Variants in NFU1 observed in about 807,000 individuals in gnomAD.
NFU1 encodes NFU1 iron-sulfur cluster scaffold homolog, mitochondrial.
NFU1 carries 30 observed loss-of-function variants against 32.2 expected under a neutral mutation model. The observed-to-expected ratio is 0.93, with a 90% confidence interval of 0.70 to 1.26. NFU1 has a LOEUF of 1.26. NFU1 is among the 50% of genes most tolerant of loss of function. NFU1 has a pLI of 0.00. For missense variants in NFU1, 306 were observed against 306.6 expected, an observed-to-expected ratio of 1.00 and a Z score of 0.02; for synonymous variants, 112 against 104.6, an observed-to-expected ratio of 1.07 and a Z score of -0.43.
chr2:69,417,920 TA>T (rs1469794698), intron 4 of NFU1, among the ~76,000 whole-genome samples: 1 of 151,104 alleles, frequency 6.6e-6, no homozygotes, highest in African/African-American at 2.4e-5. Flanking sequence ...AATTTTTATA[TA>T]GCATAGGCTA....
intron 5 of NFU1, among the ~76,000 whole-genome samples, chr2:69,412,652 T>A (rs574403406): frequency 6.6e-6 from 1 of 152,302 alleles, no homozygotes; most frequent in South Asian, 2.1e-4. Flanking sequence ...CCCAAATTCC[T>A]GGGATTACAG....
At position 69,433,304 on chromosome 2, in the gene NFU1, G is replaced by A. The variant is rs1280779701; in HGVS notation, c.63-1299C>T. 2.7e-5 allele frequency among the ~76,000 whole-genome samples: 4 copies of A among 149,918 alleles called. No homozygotes were observed. In the East Asian group the frequency reaches 8.0e-4, roughly 30 times the overall value. On this transcript the variant is annotated intron_variant, in intron 1 of 7. Coordinates refer to ENST00000410022, the MANE Select transcript of NFU1 (RefSeq NM_001002755.4). ...AGCAATTCTGCTGCCTCAGCCTCCC[G>A]AGTAGCTGAGATTACAGGTGCCCGC...
At chr2:69,402,668 G>A (rs1043849472) in intron 6 of NFU1, among the ~76,000 whole-genome samples, 12 of 151,794 alleles carry the variant, frequency 7.9e-5, no homozygotes, top group African/African-American at 1.7e-4. Flanking sequence ...TGTAACCTCC[G>A]CCTCCCGGGT....
intron 4 of NFU1, 70 bp downstream of exon 4, chr2:69,419,468 G>A: frequency 1.3e-6 from 1 of 758,596 alleles, no homozygotes; most frequent in Non-Finnish European, 2.3e-6. Flanking sequence ...AAATGTTGGA[G>A]AGAGAGGCAT....
Position 69,437,369 on chromosome 2 carries a change from C to T in NFU1, c.54G>A (p.Leu18=), listed in dbSNP as rs1391338906. 6.2e-7 allele frequency: 1 copy of T among 1,608,038 alleles called. No homozygotes were observed. Among genetic ancestry groups the T allele is most frequent in the Non-Finnish European group, 8.5e-7 (1 of 1,178,730 alleles). The change falls in exon 1 of 8, where the codon CTG becomes CTA. Residue 18 remains leucine (L), a synonymous_variant. Transcript: ENST00000410022. ...GWGAAAVAAG[L]RRRFCHMLKN... ...CCAGGCTCGTCACCTACCGCCTGCG[C>T]AGCCCGGCGGCAACAGCCGCAGCTC...
At chr2:69,426,721 G>A (rs1357293108) in intron 2 of NFU1, among the ~76,000 whole-genome samples, 1 of 152,112 alleles carries the variant, frequency 6.6e-6, no homozygotes, top group Non-Finnish European at 1.5e-5. Flanking sequence ...CGAAAGGACG[G>A]CACTGGCATT....
At chr2:69,433,593 A>T (rs1673724768) in intron 1 of NFU1, among the ~76,000 whole-genome samples, 1 of 151,734 alleles carries the variant, frequency 6.6e-6, no homozygotes, top group Non-Finnish European at 1.5e-5. Context: ...CTCTTGCCTC[A>T]GCCTCCCTAG....
chr2:69,432,141 T>C, intron 1 of NFU1, 136 bp from the exon 2 acceptor site: 1 of 661,718 alleles, frequency 1.5e-6, no homozygotes, highest in Admixed American at 2.5e-5. Context: ...GAGAACTGAC[T>C]TTTCATCTTC....
intron 5 of NFU1, among the ~76,000 whole-genome samples, chr2:69,409,046 TG>T (rs1672797337): frequency 6.6e-6 from 1 of 151,862 alleles, no homozygotes; most frequent in South Asian, 2.1e-4. Flanking sequence ...TACACCATGT[TG>T]GCCAGGCCGT....
chr2:69,403,863 G>C (rs543495430), intron 6 of NFU1, among the ~76,000 whole-genome samples: 1 of 149,108 alleles, frequency 6.7e-6, no homozygotes, highest in East Asian at 2.0e-4. Flanking sequence ...TTTTGAGATA[G>C]AGTCTCACTC....
chr2:69,402,843 A>G (rs903407915), intron 6 of NFU1, among the ~76,000 whole-genome samples: 9 of 151,748 alleles, frequency 5.9e-5, no homozygotes, highest in African/African-American at 2.2e-4. Flanking sequence ...TCGGCCTCTC[A>G]AAGTGCTGGG....
At chr2:69,437,042 G>C (rs1673865008) in intron 1 of NFU1, among the ~76,000 whole-genome samples, 2 of 152,222 alleles carry the variant, frequency 1.3e-5, no homozygotes, top group African/African-American at 2.4e-5. Context: ...GGGCGGGAGA[G>C]GCACACGATT....
intron 5 of NFU1, among the ~76,000 whole-genome samples, chr2:69,412,785 G>C (rs1260689984): frequency 6.8e-6 from 1 of 147,528 alleles, no homozygotes; most frequent in African/African-American, 2.5e-5. Context: ...TTAAGCCTGG[G>C]AAGCTGAGGA....
chr2:69,407,266 A>T (rs1672724874), intron 5 of NFU1, among the ~76,000 whole-genome samples: 1 of 152,188 alleles, frequency 6.6e-6, no homozygotes, highest in African/African-American at 2.4e-5. Flanking sequence ...ATGTTCTACA[A>T]ATCTTCTGAG....
intron 2 of NFU1, among the ~76,000 whole-genome samples, chr2:69,424,519 G>C (rs1673390294): frequency 6.6e-6 from 1 of 151,992 alleles, no homozygotes. Context: ...CAAATTCCTG[G>C]ACTCAAATGA....
At chr2:69,434,394 G>A (rs1034633549) in intron 1 of NFU1, among the ~76,000 whole-genome samples, 9 of 151,906 alleles carry the variant, frequency 5.9e-5, no homozygotes, top group South Asian at 2.1e-4. Context: ...CACTAGCCTC[G>A]GCCTCCCAAA....
rs762113781 is a variant in NFU1 at position 69,406,111 on chromosome 2, A to AGAG, written c.485-32_485-30dup. On this transcript the variant is annotated intron_variant, in intron 5 of 7. Coordinates refer to ENST00000410022, the MANE Select transcript of NFU1 (RefSeq NM_001002755.4). ...GAAATAATTACATATAAAAACATCA[A>AGAG]GAGTAGAAATTTTATAGCCATGCAA... is the stretch of plus-strand genomic sequence containing the variant. The AGAG allele has an allele frequency of 9.3e-6, 13 of 1,397,492 alleles. No individual in the cohort carries two copies. In the African/African-American group the frequency reaches 1.8e-4, roughly 20 times the overall value. 86.6% of individuals were successfully genotyped at this position (1,397,492 alleles called of 1,614,324 possible). A position where few individuals can be genotyped will look rare whatever the true frequency, so the allele number is the denominator to read the frequency against.
intron 5 of NFU1, chr2:69,410,992 T>C (rs1325488696): frequency 2.0e-5 from 3 of 152,064 alleles, no homozygotes; most frequent in Non-Finnish European, 4.4e-5. Context: ...TATACTATAC[T>C]AATTGTTACA....
At chr2:69,420,137 C>T (rs560640954) in intron 3 of NFU1, among the ~76,000 whole-genome samples, 1 of 152,122 alleles carries the variant, frequency 6.6e-6, no homozygotes, top group South Asian at 2.1e-4. Context: ...TCCCAAGTAG[C>T]TGGGATTACA....
Sources: gnomAD v4.1 joint callset for allele counts (sites outside exome capture counted in the v4.1 genomes callset) on GRCh38, gnomAD v4.1.1 for gene constraint, MANE v1.5 for transcripts, NCBI Gene and HGNC (gene_info 2026-07-23, HGNC 2026-07-21) for gene names.